ATG7: variants seen among roughly 807,000 people sequenced by gnomAD.
ATG7 encodes ubiquitin-like modifier-activating enzyme ATG7.
A neutral mutation model predicts 82.4 loss-of-function variants in ATG7; 70 were observed. The ratio of observed to expected loss-of-function variants is 0.85; its 90% CI spans 0.70 to 1.04. ATG7 has a LOEUF of 1.04. Ranked by LOEUF, ATG7 falls within the 50% of genes least tolerant of loss-of-function variation. ATG7 has a pLI of 0.00. For missense variants in ATG7, 792 were observed against 864.3 expected, an observed-to-expected ratio of 0.92 and a Z score of 1.05; for synonymous variants, 287 against 313.0, an observed-to-expected ratio of 0.92 and a Z score of 0.88.
rs1943217097 is a variant in ATG7 at position 11,282,408 on chromosome 3, G to T, written c.-41G>T. The T allele has an allele frequency of 6.6e-6, 1 of 152,230 alleles. No individual in the cohort carries two copies. The highest frequency in any genetic ancestry group is 1.5e-5 in the Non-Finnish European group (1 of 68,042). The allele number at this position is 152,230 out of a possible 1,614,324, so 9.4% of individuals were successfully genotyped here. A position where few individuals can be genotyped will look rare whatever the true frequency, so the allele number is the denominator to read the frequency against. On this transcript the variant is annotated 5_prime_UTR_variant, in exon 3 of 21. Coordinates refer to ENST00000693202, the MANE Select transcript of ATG7 (RefSeq NM_001349232.2). The stretch of plus-strand genomic sequence containing the variant: ...GTTCCCTGGTTGACACACTGAAGAA[G>T]AAATCATGTTGATTCAGAGTTGGCT...
At chr3:11,552,625 C>T (rs975925769) in intron 20 of ATG7, among the ~76,000 whole-genome samples, 2 of 152,202 alleles carry the variant, frequency 1.3e-5, no homozygotes, top group Non-Finnish European at 2.9e-5. Flanking sequence ...CCGTCCCTGC[C>T]CCAGAGATTC....
At chr3:11,396,328 A>C (rs1159984212) in intron 19 of ATG7, among the ~76,000 whole-genome samples, 1 of 151,994 alleles carries the variant, frequency 6.6e-6, no homozygotes. Context: ...AGTTCCAGCT[A>C]CTTCAGGGGG....
At position 11,378,027 on chromosome 3, in the gene ATG7, ATTT is replaced by A. The variant is rs61176051; in HGVS notation, c.1876-1929_1876-1927del. Among the ~76,000 whole-genome samples the A allele has an allele frequency of 1.5e-4, 14 of 92,732 alleles. No homozygotes were observed. In the South Asian group the frequency reaches 2.7e-3, roughly 18 times the overall value. 60.8% of individuals were successfully genotyped at this position (92,732 alleles called of 152,430 possible). A position where few individuals can be genotyped will look rare whatever the true frequency, so the allele number is the denominator to read the frequency against. ...GCTATCTAACTTATACCAGTTACCA[ATTT>A]TTTTTTTTTTTTTTTGAGATGGAGT... On this transcript the variant is annotated intron_variant, in intron 18 of 20. Coordinates refer to ENST00000693202, the MANE Select transcript of ATG7 (RefSeq NM_001349232.2).
chr3:11,279,995 A>G (rs1942734578), intron 1 of ATG7, among the ~76,000 whole-genome samples: 1 of 151,184 alleles, frequency 6.6e-6, no homozygotes, highest in African/African-American at 2.4e-5. Flanking sequence ...AGTATGTAAC[A>G]TAACTGTTTA....
chr3:11,344,247 G>A (rs556701095), intron 13 of ATG7, among the ~76,000 whole-genome samples: 2 of 152,180 alleles, frequency 1.3e-5, no homozygotes, highest in South Asian at 4.1e-4. Flanking sequence ...CCTTTTCCTT[G>A]TCTTATAAGA....
At chr3:11,376,768 T>A (rs2152840421) in intron 18 of ATG7, among the ~76,000 whole-genome samples, 1 of 152,346 alleles carries the variant, frequency 6.6e-6, no homozygotes, top group South Asian at 2.1e-4. Flanking sequence ...AGACGGAGTC[T>A]TGCTCTGTCA....
At chr3:11,317,057 G>T (rs1342349593) in intron 9 of ATG7, among the ~76,000 whole-genome samples, 1 of 152,050 alleles carries the variant, frequency 6.6e-6, no homozygotes, top group Non-Finnish European at 1.5e-5. Context: ...AGCCAGGATG[G>T]TCTTGATCTC....
chr3:11,279,655 A>G (rs1942638614), intron 1 of ATG7, among the ~76,000 whole-genome samples: 1 of 152,178 alleles, frequency 6.6e-6, no homozygotes, highest in Non-Finnish European at 1.5e-5. Flanking sequence ...ACCTCCCTCC[A>G]GCCTGGGTGA....
intron 3 of ATG7, among the ~76,000 whole-genome samples, chr3:11,284,137 A>G (rs1044553321): frequency 3.3e-5 from 5 of 152,050 alleles, no homozygotes; most frequent in African/African-American, 1.2e-4. Flanking sequence ...ATTTTCTACA[A>G]TTACTTCTTC....
At chr3:11,500,789 C>G (rs2091265001) in intron 20 of ATG7, among the ~76,000 whole-genome samples, 1 of 152,196 alleles carries the variant, frequency 6.6e-6, no homozygotes, top group Non-Finnish European at 1.5e-5. Context: ...CGCCACCACA[C>G]CCAGCTAATT....
chr3:11,308,957 G>T (rs762726985), intron 6 of ATG7, 27 bp from the exon 7 acceptor site: 1 of 1,599,926 alleles, frequency 6.3e-7, no homozygotes, highest in Non-Finnish European at 8.6e-7. Context: ...CTGGTAACCT[G>T]CCTTGATGCT....
At chr3:11,421,316 T>A (rs531176701) in intron 19 of ATG7, among the ~76,000 whole-genome samples, 104 of 152,332 alleles carry the variant, frequency 6.8e-4, no homozygotes, top group Non-Finnish European at 1.1e-3. Flanking sequence ...AGAACGTCTT[T>A]AAAAATTGGA....
intron 20 of ATG7, among the ~76,000 whole-genome samples, chr3:11,535,326 AG>A (rs1157191847): frequency 6.6e-6 from 1 of 152,198 alleles, no homozygotes; most frequent in African/African-American, 2.4e-5. Context: ...TCAGAGGGAA[AG>A]GCCATCTCGT....
intron 1 of ATG7, among the ~76,000 whole-genome samples, chr3:11,274,017 T>G (rs1941121971): frequency 6.6e-6 from 1 of 152,166 alleles, no homozygotes; most frequent in African/African-American, 2.4e-5. Context: ...TGCTTGCAGG[T>G]GTGTGTCACC....
chr3:11,348,845 G>A (rs1323501301), intron 14 of ATG7: 1 of 152,248 alleles, frequency 6.6e-6, no homozygotes, highest in East Asian at 1.9e-4. Context: ...ACAGAGCGCT[G>A]ACTGATGCCT....
the ATG7 span, among the ~76,000 whole-genome samples, chr3:11,572,192 C>G: frequency 6.6e-6 from 1 of 152,168 alleles, no homozygotes; most frequent in Non-Finnish European, 1.5e-5. Context: ...GAAGGACATG[C>G]CCAATCATAT....
chr3:11,464,077 T>C (rs1432245457), intron 20 of ATG7, among the ~76,000 whole-genome samples: 1 of 152,084 alleles, frequency 6.6e-6, no homozygotes, highest in East Asian at 1.9e-4. Context: ...TAGTATGCTT[T>C]TGTAAAAAAA....
intron 20 of ATG7, among the ~76,000 whole-genome samples, chr3:11,545,726 C>T (rs144294953): frequency 2.2e-3 from 337 of 152,222 alleles, no homozygotes; most frequent in African/African-American, 7.2e-3. Flanking sequence ...TGTCAGCCCC[C>T]CTGGCGGTTC....
chr3:11,381,752 A>G (rs559666530), intron 19 of ATG7, among the ~76,000 whole-genome samples: 2 of 152,348 alleles, frequency 1.3e-5, no homozygotes, highest in East Asian at 1.9e-4. Context: ...TGCTATTCCC[A>G]TAGCGGTCAC....
Sources: gnomAD v4.1 joint callset for allele counts (sites outside exome capture counted in the v4.1 genomes callset) on GRCh38, gnomAD v4.1.1 for gene constraint, MANE v1.5 for transcripts, NCBI Gene and HGNC (gene_info 2026-07-23, HGNC 2026-07-21) for gene names.